Variants in CCPG1 observed in about 807,000 individuals in gnomAD.
CCPG1 encodes the protein cell cycle progression protein 1.
CCPG1 carries 46 observed loss-of-function variants against 81.3 expected under a neutral mutation model. The ratio of observed to expected loss-of-function variants is 0.57; its 90% CI spans 0.45 to 0.72. CCPG1 has a LOEUF of 0.72. Ranked by LOEUF, CCPG1 falls within the 30% of genes least tolerant of loss-of-function variation. The pLI is 0.00. For missense variants in CCPG1, 902 were observed against 937.6 expected (o/e 0.96, Z 0.50); for synonymous variants, 330 against 305.2 (o/e 1.08, Z -0.85).
At chr15:55,367,861 C>G (rs766214564) in intron 6 of CCPG1, among the ~76,000 whole-genome samples, 1 of 152,158 alleles carries the variant, frequency 6.6e-6, no homozygotes, top group Non-Finnish European at 1.5e-5. Flanking sequence ...TTCCAATTGT[C>G]AAGGTCCTCC....
intron 5 of CCPG1, among the ~76,000 whole-genome samples, chr15:55,373,821 A>G (rs183389202): frequency 1.1e-3 from 160 of 152,350 alleles, no homozygotes; most frequent in African/African-American, 3.6e-3. Flanking sequence ...TCAATTCTAC[A>G]TTAACATTAC....
At chr15:55,373,709 T>C (rs1184503806) in intron 5 of CCPG1, among the ~76,000 whole-genome samples, 1 of 152,240 alleles carries the variant, frequency 6.6e-6, no homozygotes, top group Non-Finnish European at 1.5e-5. Flanking sequence ...TACAAAGGCA[T>C]TCATGATCAT....
chr15:55,377,920 A>G (rs1175600631), intron 4 of CCPG1, among the ~76,000 whole-genome samples: 1 of 152,254 alleles, frequency 6.6e-6, no homozygotes, highest in African/African-American at 2.4e-5. Context: ...GTACAGACTA[A>G]AACACCATGT....
chr15:55,404,215 C>T (rs1208061131), intron 1 of CCPG1, among the ~76,000 whole-genome samples: 1 of 141,242 alleles, frequency 7.1e-6, no homozygotes, highest in African/African-American at 2.4e-5. Flanking sequence ...GTATGAACAC[C>T]ACAACCTGAA....
chr15:55,385,641 A>G lies in CCPG1; in HGVS notation c.134T>C (p.Leu45Ser). 6.2e-7 allele frequency: 1 copy of G among 1,611,638 alleles called. No homozygotes were observed. The highest frequency in any genetic ancestry group is 8.5e-7 in the Non-Finnish European group (1 of 1,178,510). The change falls in exon 3 of 9, where the codon TTA (leucine) becomes TCA (serine). Residue 45 changes from leucine (L) to serine (S), a missense_variant. Around this residue, in one of 3 missense-constraint regions of CCPG1, gnomAD observed 746 missense variants for 728.6 expected, o/e 1.02. Coordinates refer to ENST00000442196, the MANE Select transcript of CCPG1 (RefSeq NM_001204450.2). Reference protein sequence around the residue: ...SCEPAPECSSLEQEELQALQI... With the variant: ...SCEPAPECSSSEQEELQALQI... Reference sequence around the variant, plus strand: ...CAATGCTTGAAGCTCCTCTTGCTCTAAAGATGAACATTCTGGGGCGGGCTC... The same window carrying G: ...CAATGCTTGAAGCTCCTCTTGCTCTGAAGATGAACATTCTGGGGCGGGCTC...
intron 8 of CCPG1, 148 bp from the exon 9 acceptor site, chr15:55,356,557 T>C: frequency 8.0e-7 from 1 of 1,244,400 alleles, no homozygotes. Context: ...TATATCCATA[T>C]AAAAATAAAG....
chr15:55,404,992 A>T (rs1037380175), intron 1 of CCPG1, among the ~76,000 whole-genome samples: 2 of 152,008 alleles, frequency 1.3e-5, no homozygotes, highest in African/African-American at 2.4e-5. Context: ...TGGGAGGCCA[A>T]GGCGGACAGA....
intron 8 of CCPG1, chr15:55,357,375 C>CA: frequency 1.0e-6 from 1 of 985,414 alleles, no homozygotes; most frequent in African/African-American, 1.7e-5. Context: ...AGATGTTCAT[C>CA]AGCTCATGTC....
At chr15:55,372,486 C>A (rs768637426) in intron 5 of CCPG1, 11 of 193,142 alleles carry the variant, frequency 5.7e-5, no homozygotes, top group Non-Finnish European at 1.2e-4. Context: ...CATGGCGAAA[C>A]CCCTTCTCTA....
rs2056583215 is a variant in CCPG1, at chr15:55,377,139, TTGTTCCTCTGCC to T, written c.253-1_263del. 6.2e-7 allele frequency: 1 copy of T among 1,611,110 alleles called. No homozygotes were observed. Among genetic ancestry groups the T allele is most frequent in the East Asian group, 2.2e-5 (1 of 44,850 alleles). On this transcript the variant is annotated splice_acceptor_variant and coding_sequence_variant, in exon 5 of 9. Coordinates refer to ENST00000442196, the MANE Select transcript of CCPG1 (RefSeq NM_001204450.2). LOFTEE classifies it high-confidence loss of function. ...TATAGATACTGTCTTCGGGTATCTT[TTGTTCCTCTGCC>T]TGAAGAATCATAATTTTAGAGATGG...
In CCPG1 at chr15:55,359,542, G is replaced by T; in HGVS notation, c.2231C>A (p.Pro744His). 2 of 1,600,938 alleles carry T rather than the reference G, an allele frequency of 1.2e-6. No individual in the cohort carries two copies. Among genetic ancestry groups the T allele is most frequent in the Non-Finnish European group, 1.7e-6 (2 of 1,175,320 alleles). The change falls in exon 8 of 9, where the codon CCC becomes CAC. Residue 744 changes from proline (P) to histidine (H), a missense_variant. Physicochemically the swap from Pro to His is moderately conservative, Grantham distance 77. This residue lies in a region of CCPG1 where 128 missense variants were observed against 161.2 expected (regional missense o/e 0.79). Coordinates refer to ENST00000442196, the MANE Select transcript of CCPG1 (RefSeq NM_001204450.2). ...FGHTFSPPYG[P>H]SRPDKKQRMV... is the part of the protein sequence containing the mutation. ...ACACGGTTTTATGTAAACCGACCTGGGTCCATATGGAGGGGAAAAAGTGTG... is the reference window on the plus strand; with the variant it reads ...ACACGGTTTTATGTAAACCGACCTGTGTCCATATGGAGGGGAAAAAGTGTG...
intron 3 of CCPG1, among the ~76,000 whole-genome samples, chr15:55,380,552 C>A (rs1271146794): frequency 6.6e-6 from 1 of 151,736 alleles, no homozygotes; most frequent in Non-Finnish European, 1.5e-5. Flanking sequence ...GCCTCGGCCA[C>A]CCAAAGTGCT....
chr15:55,355,427 T>G lies in CCPG1; in HGVS notation c.*793A>C. 1 of 1,605,274 alleles carries G rather than the reference T, an allele frequency of 6.2e-7. No homozygotes were observed. The highest frequency in any genetic ancestry group is 8.5e-7 in the Non-Finnish European group (1 of 1,176,260). ...AGGGAAATTCAACATGAAGATGAAA[T>G]TCTGAACTTTCCTAGATAAATTAAC... is the stretch of plus-strand genomic sequence containing the variant. On this transcript the variant is annotated 3_prime_UTR_variant, in exon 9 of 9. Coordinates refer to ENST00000442196, the MANE Select transcript of CCPG1 (RefSeq NM_001204450.2).
intron 1 of CCPG1, among the ~76,000 whole-genome samples, chr15:55,392,199 G>T (rs889911604): frequency 7.0e-6 from 1 of 142,880 alleles, no homozygotes; most frequent in Non-Finnish European, 1.5e-5. Flanking sequence ...TAGTTTAAAA[G>T]ATCAGATTTG....
At chr15:55,390,783 C>T (rs1295609997) in intron 1 of CCPG1, among the ~76,000 whole-genome samples, 1 of 152,024 alleles carries the variant, frequency 6.6e-6, no homozygotes, top group Non-Finnish European at 1.5e-5. Flanking sequence ...AGGTTGGTCG[C>T]TAATAGTATA....
chr15:55,372,250 C>T, intron 5 of CCPG1: 2 of 590,544 alleles, frequency 3.4e-6, no homozygotes, highest in Non-Finnish European at 6.0e-6. Context: ...ATGTGATACA[C>T]AAGAATCTGT....
intron 1 of CCPG1, among the ~76,000 whole-genome samples, chr15:55,394,117 A>G (rs1165420743): frequency 6.6e-6 from 1 of 152,074 alleles, no homozygotes; most frequent in East Asian, 1.9e-4. Context: ...CAGCCTCCCA[A>G]GTAGCTAGGA....
intron 2 of CCPG1, 92 bp from the exon 3 acceptor site, chr15:55,385,806 G>C (rs1595851979): frequency 1.4e-6 from 1 of 724,784 alleles, no homozygotes; most frequent in East Asian, 2.7e-5. Flanking sequence ...ATTATTAAAA[G>C]TCTCAGATGC....
chr15:55,374,045 T>A (rs921359125), intron 5 of CCPG1: 2 of 470,876 alleles, frequency 4.2e-6, no homozygotes, highest in Non-Finnish European at 7.2e-6. Flanking sequence ...TCTGAACACC[T>A]GTTTAGAGTA....
Sources: gnomAD v4.1 joint callset for allele counts (sites outside exome capture counted in the v4.1 genomes callset) on GRCh38, gnomAD v4.1.1 for gene constraint, gnomAD v4.1.1 regional missense constraint, MANE v1.5 for transcripts, NCBI Gene and HGNC (gene_info 2026-07-23, HGNC 2026-07-21) for gene names.